CFAP92: variants seen among roughly 807,000 people sequenced by gnomAD.
The protein encoded by CFAP92 is uncharacterized protein CFAP92.
Under a neutral mutation model 106.3 loss-of-function variants are expected in CFAP92, and 86 were observed. That is an observed-to-expected ratio of 0.81 (90% CI 0.68 to 0.97). The LOEUF is 0.97. Ranked by LOEUF, CFAP92 falls within the 50% of genes least tolerant of loss-of-function variation. The probability of loss-of-function intolerance (pLI) is 0.00; values close to 1 mark genes in which losing one functional copy is unlikely to be tolerated. For missense variants in CFAP92, 1,204 were observed against 1,283.8 expected (o/e 0.94, Z 0.95); for synonymous variants, 477 against 506.4 (o/e 0.94, Z 0.78).
intron 1 of CFAP92, among the ~76,000 whole-genome samples, chr3:129,001,066 AG>A (rs1944708417): frequency 6.6e-6 from 1 of 152,234 alleles, no homozygotes; most frequent in Admixed American, 6.5e-5. Context: ...GGGCGGCGAG[AG>A]CAGGCTTGCC....
intron 12 of CFAP92, among the ~76,000 whole-genome samples, chr3:128,926,557 C>T (rs556383386): frequency 6.6e-6 from 1 of 152,278 alleles, no homozygotes; most frequent in African/African-American, 2.4e-5. Context: ...TCTCACCACT[C>T]CTCTTCAACA....
intron 5 of CFAP92, among the ~76,000 whole-genome samples, 180 bp downstream of exon 5, chr3:128,977,864 AC>A (rs1943256335): frequency 6.6e-6 from 1 of 152,152 alleles, no homozygotes; most frequent in Non-Finnish European, 1.5e-5. Context: ...AGAATCAGTA[AC>A]AAAAAGTAAG....
intron 14 of CFAP92, 22 bp from the exon 15 acceptor site, chr3:128,915,297 A>G (rs1392440686): frequency 1.3e-6 from 2 of 1,535,876 alleles, no homozygotes; most frequent in African/African-American, 2.7e-5. Flanking sequence ...GAGTAAGTAA[A>G]TCAGGAGGAG....
At chr3:128,929,158 T>G (rs1044731031) in intron 12 of CFAP92, among the ~76,000 whole-genome samples, 1 of 152,178 alleles carries the variant, frequency 6.6e-6, no homozygotes, top group Non-Finnish European at 1.5e-5. Context: ...GCGTTATAAA[T>G]TCCTAATAAG....
At chr3:128,939,120 CTTTT>C (rs974946204) in intron 10 of CFAP92, among the ~76,000 whole-genome samples, 4 of 152,058 alleles carry the variant, frequency 2.6e-5, no homozygotes, top group African/African-American at 9.7e-5. Context: ...CCCTACTGAA[CTTTT>C]TTTGTCTGCT....
At position 129,002,367 on chromosome 3, in the gene CFAP92, G is replaced by C. The variant is rs1264543260; in HGVS notation, n.117+207C>G. The C allele has an allele frequency of 3.4e-6, 5 of 1,487,276 alleles. No individual in the cohort carries two copies. The African/African-American group carries it at 5.8e-5, about 17-fold the overall frequency. The allele number at this position is 1,487,276 out of a possible 1,614,324, so 92.1% of individuals were successfully genotyped here. On this transcript the variant is annotated intron_variant and non_coding_transcript_variant, in intron 1 of 4. Transcript: ENST00000510149. ...AGGGAGGGTGGTAACGCCCGGGAGA[G>C]GGCTCGAACTAAAAGCTGGCTGGCT...
intron 1 of CFAP92, 114 bp downstream of exon 1, chr3:128,993,866 G>T: frequency 1.2e-6 from 1 of 808,844 alleles, no homozygotes; most frequent in Non-Finnish European, 1.5e-6. Context: ...GAGGCGGAAC[G>T]CCGGGCAAAC....
intron 12 of CFAP92, among the ~76,000 whole-genome samples, chr3:128,917,501 T>G (rs1462966182): frequency 6.6e-6 from 1 of 152,154 alleles, no homozygotes; most frequent in African/African-American, 2.4e-5. Context: ...CAGGAGAATT[T>G]GGACTCAGAG....
At chr3:128,927,953 T>C (rs757821725) in intron 12 of CFAP92, among the ~76,000 whole-genome samples, 2 of 151,848 alleles carry the variant, frequency 1.3e-5, no homozygotes, top group Non-Finnish European at 2.9e-5. Context: ...AATCAATCTA[T>C]AGATTCAATA....
intron 9 of CFAP92, among the ~76,000 whole-genome samples, chr3:128,962,443 T>C (rs528733995): frequency 3.5e-4 from 53 of 152,276 alleles, no homozygotes; most frequent in African/African-American, 1.2e-3. Flanking sequence ...TATCCCCACC[T>C]GCCCAGTTCC....
At chr3:128,928,739 T>G (rs1271452200) in intron 12 of CFAP92, among the ~76,000 whole-genome samples, 1 of 152,110 alleles carries the variant, frequency 6.6e-6, no homozygotes, top group African/African-American at 2.4e-5. Context: ...AGCAGAGTCC[T>G]TAACTATAAC....
chr3:128,936,588 C>T (rs932314212), intron 10 of CFAP92, among the ~76,000 whole-genome samples: 2 of 152,170 alleles, frequency 1.3e-5, no homozygotes, highest in Non-Finnish European at 2.9e-5. Context: ...AGGCTGCCTG[C>T]TCCAACCTGA....
chr3:128,976,035 TG>T, intron 6 of CFAP92, 132 bp from the exon 7 acceptor site: 1 of 805,116 alleles, frequency 1.2e-6, no homozygotes. Context: ...TCTAACCCAG[TG>T]CTTCTCAGTT....
At chr3:128,968,465 A>G (rs1347030326) in intron 8 of CFAP92, 1 of 152,222 alleles carries the variant, frequency 6.6e-6, no homozygotes, top group Non-Finnish European at 1.5e-5. Flanking sequence ...CAGACATACA[A>G]CTGGCCTGCT....
rs1453742745 is a variant in CFAP92 at position 128,945,916 on chromosome 3, G to A, written c.1413C>T (p.Thr471=). Reference sequence around the variant, plus strand: ...CGTGGGTTCCATGGGGCTCCCCCTTGGTCTTGTGAACTGGAGTCTTATGGA... The same window carrying A: ...CGTGGGTTCCATGGGGCTCCCCCTTAGTCTTGTGAACTGGAGTCTTATGGA... ...YQFHKTPVHK[T]KGEPHGTHVY... Residue 471 remains threonine, a synonymous_variant, in exon 10 of 16, where the codon ACC becomes ACT. Coordinates refer to ENST00000645291, the MANE Select transcript of CFAP92 (RefSeq NM_001394090.1). The A allele has an allele frequency of 1.4e-6, 2 of 1,455,620 alleles. No individual in the cohort carries two copies. Among genetic ancestry groups the A allele is most frequent in the Non-Finnish European group, 1.8e-6 (2 of 1,112,120 alleles). The allele number at this position is 1,455,620 out of a possible 1,614,324, so 90.2% of individuals were successfully genotyped here.
chr3:128,981,843 G>A (rs568422048), intron 4 of CFAP92, among the ~76,000 whole-genome samples: 12 of 152,316 alleles, frequency 7.9e-5, no homozygotes, highest in African/African-American at 2.6e-4. Context: ...CATTATCAAT[G>A]AGCAGTCATA....
chr3:129,022,470 G>A, the CFAP92 span, among the ~76,000 whole-genome samples: 7 of 152,226 alleles, frequency 4.6e-5, no homozygotes, highest in East Asian at 1.9e-4. Flanking sequence ...CAGCGGAAGG[G>A]AGGAAGAGCA....
Position 128,910,960 on chromosome 3 carries a change from G to A in CFAP92, c.3281-627C>T, listed in dbSNP as rs1936232748. ...TGAGCGAGGGCCTGGGTAGGCCTGG[G>A]CTTAGCTGCAGCAGTGCCCACCAGG... On this transcript the variant is annotated intron_variant, in intron 15 of 15. Transcript: ENST00000645291. 4 of 978,438 alleles carry A rather than the reference G, an allele frequency of 4.1e-6. No homozygotes were observed. In the East Asian group the frequency reaches 7.2e-5, roughly 18 times the overall value. The allele number at this position is 978,438 out of a possible 1,614,324, so 60.6% of individuals were successfully genotyped here. A position where few individuals can be genotyped will look rare whatever the true frequency, so the allele number is the denominator to read the frequency against.
At chr3:129,017,046 C>G in the CFAP92 span, among the ~76,000 whole-genome samples, 1 of 152,354 alleles carries the variant, frequency 6.6e-6, no homozygotes, top group Non-Finnish European at 1.5e-5. Flanking sequence ...TTTGGCCTGT[C>G]AGCAAGGACC....
Sources: allele counts gnomAD v4.1 joint callset (sites outside exome capture counted in the v4.1 genomes callset), GRCh38; gene constraint gnomAD v4.1.1; transcripts MANE v1.5; gene names NCBI Gene and HGNC (gene_info 2026-07-23, HGNC 2026-07-21).